The following TCF12 variants were observed in gnomAD, a reference collection of about 807,000 sequenced individuals.
TCF12 encodes DNA-binding protein HTF4.
In TCF12, 45 loss-of-function variants were observed where a neutral mutation model predicts 86.0. The ratio of observed to expected loss-of-function variants is 0.52; its 90% CI spans 0.41 to 0.67. The LOEUF is 0.67. Ranked by LOEUF, TCF12 falls within the 30% of genes least tolerant of loss-of-function variation. TCF12 has a pLI of 0.00. For synonymous variants in TCF12, 330 were observed against 299.6 expected (o/e 1.10, Z -1.05); for missense variants, 881 against 859.9 (o/e 1.02, Z -0.31).
At position 57,075,804 on chromosome 15, in the gene TCF12, T is replaced by TTC. The variant is rs1244304206; in HGVS notation, c.222+12011_222+12012dup. 1.3e-3 allele frequency among the ~76,000 whole-genome samples: 38 copies of TTC among 28,604 alleles called. 1 individual carries two copies. The highest frequency in any genetic ancestry group is 2.1e-3 in the Non-Finnish European group (33 of 15,566). 18.8% of individuals were successfully genotyped at this position (28,604 alleles called of 152,430 possible). Reference sequence around the variant, plus strand: ...TTTCTTTCTTTCTTTCTTTCTTTCTTTCTCTCTCTCTCTCTCTCTCTCTCT... The same window carrying TTC: ...TTTCTTTCTTTCTTTCTTTCTTTCTTTCTCTCTCTCTCTCTCTCTCTCTCTCT... On this transcript the variant is annotated intron_variant, in intron 4 of 20. Coordinates refer to ENST00000333725, the MANE Select transcript of TCF12 (RefSeq NM_207037.2).
intron 13 of TCF12, chr15:57,247,149 C>G (rs1469987129): frequency 1.8e-6 from 1 of 559,058 alleles, no homozygotes; most frequent in Non-Finnish European, 3.4e-6. Flanking sequence ...ACTCCACCGT[C>G]ACTCCACCAC....
chr15:57,025,403 A>G (rs1317736407), intron 3 of TCF12, among the ~76,000 whole-genome samples: 2 of 152,004 alleles, frequency 1.3e-5, no homozygotes, highest in Non-Finnish European at 2.9e-5. Context: ...CTAAAATCAC[A>G]TTTATTGAGG....
chr15:57,161,648 A>C (rs2054512090), intron 5 of TCF12, among the ~76,000 whole-genome samples: 1 of 152,224 alleles, frequency 6.6e-6, no homozygotes. Context: ...AAGGAAAATC[A>C]GTGAACTTGA....
intron 3 of TCF12, among the ~76,000 whole-genome samples, chr15:56,946,136 A>G (rs1273877244): frequency 6.6e-6 from 1 of 152,190 alleles, no homozygotes; most frequent in East Asian, 1.9e-4. Context: ...ATGTATGTTT[A>G]TAGTTGTTCA....
At chr15:57,166,779 A>C (rs766506860) in intron 6 of TCF12, among the ~76,000 whole-genome samples, 4 of 152,240 alleles carry the variant, frequency 2.6e-5, no homozygotes, top group African/African-American at 7.2e-5. Context: ...TTGGTGGTAC[A>C]TAAAGAATAT....
chr15:57,153,246 C>T (rs1174034959), intron 5 of TCF12, among the ~76,000 whole-genome samples: 3 of 152,162 alleles, frequency 2.0e-5, no homozygotes, highest in Admixed American at 6.5e-5. Context: ...CAAGACTCCG[C>T]AAACTTTTTT....
chr15:57,023,113 T>C (rs1596168020), intron 3 of TCF12, among the ~76,000 whole-genome samples: 5 of 152,156 alleles, frequency 3.3e-5, no homozygotes, highest in Admixed American at 6.5e-5. Flanking sequence ...ATACTAAAAG[T>C]TTAGCTGGGG....
intron 8 of TCF12, among the ~76,000 whole-genome samples, chr15:57,210,051 T>C (rs1241638951): frequency 6.6e-6 from 1 of 152,112 alleles, no homozygotes; most frequent in Non-Finnish European, 1.5e-5. Flanking sequence ...CCTCACTCTT[T>C]TCCTGATGTA....
At chr15:56,977,884 A>T (rs2062691177) in intron 3 of TCF12, among the ~76,000 whole-genome samples, 1 of 152,118 alleles carries the variant, frequency 6.6e-6, no homozygotes, top group African/African-American at 2.4e-5. Flanking sequence ...TCATCCTCAG[A>T]GTTTTCAACT....
At chr15:57,248,442 G>C (rs1460648269) in intron 13 of TCF12, among the ~76,000 whole-genome samples, 2 of 152,182 alleles carry the variant, frequency 1.3e-5, no homozygotes, top group African/African-American at 4.8e-5. Context: ...AGTTTACTAA[G>C]GGAGCTTGGA....
chr15:57,088,961 T>C (rs894706912), intron 4 of TCF12, among the ~76,000 whole-genome samples: 4 of 152,312 alleles, frequency 2.6e-5, no homozygotes, highest in African/African-American at 9.6e-5. Flanking sequence ...TCATCTTGTT[T>C]CACCAAAAGT....
At chr15:57,239,796 T>C (rs1198291445) in intron 12 of TCF12, among the ~76,000 whole-genome samples, 1 of 151,912 alleles carries the variant, frequency 6.6e-6, no homozygotes, top group Non-Finnish European at 1.5e-5. Flanking sequence ...CTAACCTAAA[T>C]AGAAGAGTAG....
intron 5 of TCF12, among the ~76,000 whole-genome samples, chr15:57,131,741 G>T (rs1306977455): frequency 1.3e-5 from 2 of 152,148 alleles, no homozygotes; most frequent in Non-Finnish European, 2.9e-5. Context: ...GATTATAAAT[G>T]AGGAGAAACT....
chr15:57,161,952 C>A (rs926275126), intron 5 of TCF12, among the ~76,000 whole-genome samples: 2 of 152,096 alleles, frequency 1.3e-5, no homozygotes, highest in Non-Finnish European at 2.9e-5. Flanking sequence ...CATTAAAATA[C>A]TTACATTTTG....
chr15:57,161,966 T>C (rs370705601), intron 5 of TCF12, among the ~76,000 whole-genome samples: 1 of 152,224 alleles, frequency 6.6e-6, no homozygotes, highest in Non-Finnish European at 1.5e-5. Flanking sequence ...CATTTTGTTT[T>C]GTACATTTAT....
chr15:57,171,347 G>A lies in TCF12; in HGVS notation c.390+4881G>A, dbSNP rs568439403. ...GGATAAACTATTCAAAGGAAAACAT[G>A]TATTCCAGACAGTATTTATTATAAT... On this transcript the variant is annotated intron_variant, in intron 6 of 20. Coordinates refer to ENST00000333725, the MANE Select transcript of TCF12 (RefSeq NM_207037.2). Among the ~76,000 whole-genome samples, 3 of 151,838 alleles carry A rather than the reference G, an allele frequency of 2.0e-5. No homozygotes were observed. In the South Asian group the frequency reaches 6.2e-4, roughly 32 times the overall value.
chr15:56,988,443 A>T (rs1227876125), intron 3 of TCF12, among the ~76,000 whole-genome samples: 1 of 152,200 alleles, frequency 6.6e-6, no homozygotes, highest in Non-Finnish European at 1.5e-5. Flanking sequence ...TTGTAATCTT[A>T]TGGGACCTGT....
At chr15:57,263,316 A>G (rs1278499945) in intron 18 of TCF12, 42 bp downstream of exon 18, 8 of 1,576,892 alleles carry the variant, frequency 5.1e-6, no homozygotes, top group South Asian at 1.2e-5. Context: ...TTCATTTTCC[A>G]TAGGTAAACA....
intron 3 of TCF12, among the ~76,000 whole-genome samples, chr15:57,007,764 T>C (rs1439581513): frequency 2.4e-5 from 1 of 40,854 alleles, no homozygotes; most frequent in Non-Finnish European, 5.9e-5. Flanking sequence ...CCTTCTTTCT[T>C]TCTTTCTTTC....
Sources: gnomAD v4.1 joint callset for allele counts (sites outside exome capture counted in the v4.1 genomes callset) on GRCh38, gnomAD v4.1.1 for gene constraint, MANE v1.5 for transcripts, NCBI Gene and HGNC (gene_info 2026-07-23, HGNC 2026-07-21) for gene names.